Variants in CNNM4 observed in about 807,000 individuals in gnomAD.
CNNM4 encodes metal transporter CNNM4.
Under a neutral mutation model 53.7 loss-of-function variants are expected in CNNM4, and 32 were observed. That is an observed-to-expected ratio of 0.60 (90% CI 0.45 to 0.80). The LOEUF is 0.80. CNNM4 is among the 30% of genes least tolerant of loss of function. CNNM4 has a pLI of 0.00. For missense variants in CNNM4, 784 were observed against 1,022.0 expected, an observed-to-expected ratio of 0.77 and a Z score of 3.17; for synonymous variants, 410 against 440.0, an observed-to-expected ratio of 0.93 and a Z score of 0.85.
chr2:96,769,252 A>G (rs958340070), intron 1 of CNNM4, among the ~76,000 whole-genome samples: 2 of 151,432 alleles, frequency 1.3e-5, no homozygotes, highest in Non-Finnish European at 2.9e-5. Flanking sequence ...CTCCGTCTCA[A>G]TAAAAAAGGA....
At chr2:96,792,613 A>AC (rs2079071679) in intron 1 of CNNM4, among the ~76,000 whole-genome samples, 1 of 151,174 alleles carries the variant, frequency 6.6e-6, no homozygotes, top group African/African-American at 2.4e-5. Context: ...GACCAGCCTG[A>AC]CCAACATGGT....
chr2:96,777,620 C>T (rs1274404878), intron 1 of CNNM4, among the ~76,000 whole-genome samples: 1 of 152,130 alleles, frequency 6.6e-6, no homozygotes, highest in Non-Finnish European at 1.5e-5. Context: ...CCTGCCTTAG[C>T]CTCCTGAGTA....
rs373351619 is a variant in CNNM4 at position 96,770,871 on chromosome 2, C to T, written c.1402+8470C>T. ...AAGGCAGCCTGGGCCAGGCCTCTGT[C>T]GCTGCCTTGGTGACTGATTTTCGCA... On this transcript the variant is annotated intron_variant, in intron 1 of 6. Coordinates refer to ENST00000377075, the MANE Select transcript of CNNM4 (RefSeq NM_020184.4). Among the ~76,000 whole-genome samples, 81 of 152,320 alleles carry T rather than the reference C, an allele frequency of 5.3e-4. No individual in the cohort carries two copies. In the East Asian group the frequency reaches 7.3e-3, roughly 14 times the overall value.
chr2:96,783,152 A>G (rs1459295726), intron 1 of CNNM4, among the ~76,000 whole-genome samples: 3 of 152,216 alleles, frequency 2.0e-5, no homozygotes, highest in Non-Finnish European at 4.4e-5. Context: ...TCACAAGGCC[A>G]TGAGTGAGCT....
intron 5 of CNNM4, among the ~76,000 whole-genome samples, chr2:96,802,863 T>A (rs978277134): frequency 6.6e-6 from 1 of 152,156 alleles, no homozygotes; most frequent in Non-Finnish European, 1.5e-5. Context: ...GCTTGAGGCT[T>A]GCTGGGATTC....
At chr2:96,767,884 A>G (rs2078832613) in intron 1 of CNNM4, among the ~76,000 whole-genome samples, 1 of 152,234 alleles carries the variant, frequency 6.6e-6, no homozygotes, top group African/African-American at 2.4e-5. Context: ...AGCCTGGCCA[A>G]CATGGCAAAA....
intron 1 of CNNM4, among the ~76,000 whole-genome samples, chr2:96,796,677 C>T (rs767733234): frequency 2.6e-5 from 4 of 152,184 alleles, no homozygotes; most frequent in Non-Finnish European, 5.9e-5. Flanking sequence ...GGGAGGATCT[C>T]TTGAGCCCAG....
chr2:96,794,640 GT>G (rs2079088160), intron 1 of CNNM4, among the ~76,000 whole-genome samples: 1 of 152,146 alleles, frequency 6.6e-6, no homozygotes, highest in African/African-American at 2.4e-5. Flanking sequence ...TAAAAAGAAT[GT>G]TGCCAAGAGC....
chr2:96,784,376 A>T (rs1244183459), intron 1 of CNNM4, among the ~76,000 whole-genome samples: 1 of 152,242 alleles, frequency 6.6e-6, no homozygotes, highest in Non-Finnish European at 1.5e-5. Flanking sequence ...TTTGCTTCAA[A>T]ATCAGTGAGT....
Position 96,801,758 on chromosome 2 carries a change from GACAC to G in CNNM4, c.1948+2118_1948+2121del, listed in dbSNP as rs144755046. ...CACACACCCAGAGACCACACACCCA[GACAC>G]ACACACAGACAGAGATACTACAGAC... On this transcript the variant is annotated intron_variant, in intron 5 of 6. Coordinates refer to ENST00000377075, the MANE Select transcript of CNNM4 (RefSeq NM_020184.4). This position sits in a 1 kb window ranked among gnomAD's most constrained non-coding sequence, Gnocchi z 5.6. 6.7e-6 allele frequency among the ~76,000 whole-genome samples: 1 copy of G among 149,578 alleles called. No homozygotes were observed. The highest frequency in any genetic ancestry group is 2.5e-5 in the African/African-American group (1 of 40,344).
chr2:96,765,773 C>CT lies in CNNM4; in HGVS notation c.1402+3379dup, dbSNP rs2078812225. 4.0e-5 allele frequency among the ~76,000 whole-genome samples: 6 copies of CT among 150,376 alleles called. No homozygotes were observed. The South Asian group carries it at 8.4e-4, about 21-fold the overall frequency. The stretch of plus-strand genomic sequence containing the variant: ...AAGCCCCACTGGCCTTTTTGCTGTT[C>CT]TTTTTTTCTTTCTTTCTTTCTTTCT... On this transcript the variant is annotated intron_variant, in intron 1 of 6. Coordinates refer to ENST00000377075, the MANE Select transcript of CNNM4 (RefSeq NM_020184.4).
intron 5 of CNNM4, among the ~76,000 whole-genome samples, chr2:96,802,642 C>T (rs1285378171): frequency 6.6e-6 from 1 of 152,232 alleles, no homozygotes; most frequent in Non-Finnish European, 1.5e-5. Context: ...TAAGAGTTAT[C>T]AGGAGAGTAC....
At chr2:96,767,548 C>G (rs2078830019) in intron 1 of CNNM4, among the ~76,000 whole-genome samples, 1 of 152,206 alleles carries the variant, frequency 6.6e-6, no homozygotes, top group Non-Finnish European at 1.5e-5. Context: ...CACCTTCCAG[C>G]TTCTAGCTGT....
chr2:96,786,304 C>A (rs149540134), intron 1 of CNNM4, among the ~76,000 whole-genome samples: 9 of 151,160 alleles, frequency 6.0e-5, no homozygotes, highest in Non-Finnish European at 1.3e-4. Context: ...GTAATCCCAG[C>A]TACTCGAGAT....
chr2:96,805,440 A>AAAT (rs2079194974), intron 5 of CNNM4, among the ~76,000 whole-genome samples: 16 of 87,398 alleles, frequency 1.8e-4, no homozygotes, highest in South Asian at 1.3e-3. Context: ...TTTTTTTTTT[A>AAAT]TTATTTTTTT....
At chr2:96,775,625 G>A (rs2078917314) in intron 1 of CNNM4, among the ~76,000 whole-genome samples, 1 of 152,174 alleles carries the variant, frequency 6.6e-6, no homozygotes, top group South Asian at 2.1e-4. Flanking sequence ...TTGTATCAGT[G>A]TTCACTCCTA....
intron 1 of CNNM4, among the ~76,000 whole-genome samples, chr2:96,796,485 G>A (rs950599042): frequency 6.6e-6 from 1 of 152,158 alleles, no homozygotes; most frequent in African/African-American, 2.4e-5. Flanking sequence ...GTCCTGGCCT[G>A]GCGTGGTGGC....
chr2:96,762,039 TGACGGAGCCCTATAA>T lies in CNNM4; in HGVS notation c.1041_1055del (p.Thr348_Asn352del). 6.2e-7 allele frequency: 1 copy of T among 1,614,084 alleles called. No homozygotes were observed. Among genetic ancestry groups the T allele is most frequent in the Non-Finnish European group, 8.5e-7 (1 of 1,180,024 alleles). On this transcript the variant is annotated inframe_deletion, in exon 1 of 7. Coordinates refer to ENST00000377075, the MANE Select transcript of CNNM4 (RefSeq NM_020184.4). Reference sequence around the variant, plus strand: ...GAGAAGCTGATGGAGATGTTGAAGGTGACGGAGCCCTATAATGACCTCGTGAAAGAGGAGCTCAAT... The same window carrying T: ...GAGAAGCTGATGGAGATGTTGAAGGTTGACCTCGTGAAAGAGGAGCTCAAT...
In CNNM4 at chr2:96,761,281, C is replaced by T. The variant is rs1218939625; in HGVS notation, c.282C>T (p.Thr94=). The change falls in exon 1 of 7, where the codon ACC becomes ACT. Residue 94 remains threonine, a synonymous_variant. Coordinates refer to ENST00000377075, the MANE Select transcript of CNNM4 (RefSeq NM_020184.4). The surrounding 1 kb of genome is among the most constrained non-coding windows in gnomAD (Gnocchi z 6.0). ...TCTCCAGCAACCTGATCTCCTTCAC[C>T]GAGGTGGACGATGCCGAGACCCTCC... ...GNISSNLISF[T]EVDDAETLHK... 1.9e-6 allele frequency: 3 copies of T among 1,613,994 alleles called. No homozygotes were observed. The highest frequency in any genetic ancestry group is 1.1e-5 in the South Asian group (1 of 91,086).
Sources: gnomAD v4.1 joint callset for allele counts (sites outside exome capture counted in the v4.1 genomes callset) on GRCh38, gnomAD v4.1.1 for gene constraint, Gnocchi (gnomAD v3.1) non-coding constraint, MANE v1.5 for transcripts, NCBI Gene and HGNC (gene_info 2026-07-23, HGNC 2026-07-21) for gene names.